TBL1XR1: variants seen among roughly 807,000 people sequenced by gnomAD.
TBL1XR1 encodes F-box-like/WD repeat-containing protein TBL1XR1.
TBL1XR1 carries 5 observed loss-of-function variants against 66.9 expected under a neutral mutation model. The observed-to-expected ratio is 0.07, with a 90% CI of 0.04 to 0.16. The LOEUF is 0.16. Among genes scored for constraint, TBL1XR1 ranks in the 10% least tolerant of loss-of-function variants. The probability of loss-of-function intolerance (pLI) is 1.00; values close to 1 mark genes in which losing one functional copy is unlikely to be tolerated. For missense variants in TBL1XR1, 238 were observed against 623.2 expected (o/e 0.38, Z 6.58); for synonymous variants, 210 against 206.0 (o/e 1.02, Z -0.17).
chr3:177,098,998 T>C (rs1390117202), intron 1 of TBL1XR1, among the ~76,000 whole-genome samples: 2 of 152,248 alleles, frequency 1.3e-5, no homozygotes, highest in Non-Finnish European at 1.5e-5. Flanking sequence ...TTAAACTTTA[T>C]AGGGCTTATC....
intron 1 of TBL1XR1, among the ~76,000 whole-genome samples, chr3:177,113,393 C>T (rs144482880): frequency 6.6e-6 from 1 of 152,202 alleles, no homozygotes; most frequent in Admixed American, 6.5e-5. Flanking sequence ...AAAACCAAAA[C>T]CTTCTGCACA....
At chr3:177,068,380 A>C (rs1272032657) in intron 2 of TBL1XR1, among the ~76,000 whole-genome samples, 2 of 152,246 alleles carry the variant, frequency 1.3e-5, no homozygotes, top group Non-Finnish European at 2.9e-5. Context: ...AGCCAAAAGC[A>C]AATCCAAAAT....
intron 1 of TBL1XR1, chr3:177,196,500 C>A (rs987739785): frequency 6.7e-6 from 1 of 148,260 alleles, no homozygotes; most frequent in South Asian, 2.1e-4. Context: ...GGCCGGCGCC[C>A]CCGCCCCGGA....
chr3:177,178,210 T>C (rs1734384115), intron 1 of TBL1XR1, among the ~76,000 whole-genome samples: 2 of 152,124 alleles, frequency 1.3e-5, no homozygotes, highest in African/African-American at 4.8e-5. Flanking sequence ...CAGCAGAGTT[T>C]GGGGAGGAGG....
At chr3:177,049,923 C>T (rs1577024324) in intron 7 of TBL1XR1, 74 bp downstream of exon 7, 2 of 1,522,014 alleles carry the variant, frequency 1.3e-6, no homozygotes, top group Admixed American at 3.8e-5. Context: ...ATAGACAAAC[C>T]CTGCCGTGAG....
intron 1 of TBL1XR1, chr3:177,163,888 TCAATAGTTTAGATTTATGTTATTA>T (rs1732513557): frequency 6.6e-6 from 1 of 152,166 alleles, no homozygotes; most frequent in African/African-American, 2.4e-5. Context: ...GCAAAATGTA[TCAATAGTTTAGATTTATGTTATTA>T]CAATTAAACA....
rs1478235557 is a variant in TBL1XR1 at position 177,189,622 on chromosome 3, T to G, written c.-122+7499A>C. Among the ~76,000 whole-genome samples, 7 of 135,424 alleles carry G rather than the reference T, an allele frequency of 5.2e-5. No individual in the cohort carries two copies. In the East Asian group the frequency reaches 1.4e-3, roughly 28 times the overall value. 88.8% of individuals were successfully genotyped at this position (135,424 alleles called of 152,430 possible). The stretch of plus-strand genomic sequence containing the variant: ...GTGAGCGGAGATCACATCCAGCCAG[T>G]CTGGGAGACAGAGCAAGACTCCATC... On this transcript the variant is annotated intron_variant, in intron 1 of 15. Transcript: ENST00000457928.
intron 3 of TBL1XR1, among the ~76,000 whole-genome samples, chr3:177,059,974 G>C (rs749205373): frequency 6.6e-5 from 10 of 152,166 alleles, no homozygotes; most frequent in Non-Finnish European, 1.3e-4. Flanking sequence ...CAGATTCCAA[G>C]TTCTTCAGCT....
intron 15 of TBL1XR1, 107 bp from the exon 16 acceptor site, chr3:177,025,631 T>C: frequency 9.6e-7 from 1 of 1,037,638 alleles, no homozygotes. Flanking sequence ...TCCAAGTTTA[T>C]AAAATTGGTA....
At chr3:177,177,612 C>A (rs1054144911) in intron 1 of TBL1XR1, among the ~76,000 whole-genome samples, 64 of 152,172 alleles carry the variant, frequency 4.2e-4, no homozygotes, top group African/African-American at 1.4e-3. Flanking sequence ...TGTCCCTGGG[C>A]TTCCAAATTT....
chr3:177,132,718 G>A (rs1392970414), intron 1 of TBL1XR1, among the ~76,000 whole-genome samples: 3 of 152,164 alleles, frequency 2.0e-5, no homozygotes, highest in African/African-American at 7.2e-5. Context: ...GACAACCAGG[G>A]ATAGGCTCTA....
At chr3:177,097,959 C>T (rs1019654058) in intron 2 of TBL1XR1, among the ~76,000 whole-genome samples, 9 of 152,202 alleles carry the variant, frequency 5.9e-5, no homozygotes, top group African/African-American at 2.2e-4. Flanking sequence ...GTAATCCCAG[C>T]ACTTTGGGAA....
intron 1 of TBL1XR1, among the ~76,000 whole-genome samples, chr3:177,168,773 C>G (rs1251995543): frequency 6.6e-6 from 1 of 152,090 alleles, no homozygotes; most frequent in Non-Finnish European, 1.5e-5. Flanking sequence ...AAAATTCAAT[C>G]ATTTCTGAAT....
chr3:177,042,682 TGA>T (rs1200129315), intron 10 of TBL1XR1, among the ~76,000 whole-genome samples: 1 of 152,106 alleles, frequency 6.6e-6, no homozygotes, highest in African/African-American at 2.4e-5. Context: ...ACCTGACAAG[TGA>T]GAGAAGTGTG....
intron 2 of TBL1XR1, among the ~76,000 whole-genome samples, chr3:177,080,805 C>G (rs1190139554): frequency 6.6e-6 from 1 of 152,184 alleles, no homozygotes; most frequent in Non-Finnish European, 1.5e-5. Context: ...TCTAGCAAAT[C>G]CTCCAGGGTC....
At chr3:177,055,533 G>C (rs1042505712) in intron 3 of TBL1XR1, among the ~76,000 whole-genome samples, 3 of 113,222 alleles carry the variant, frequency 2.6e-5, no homozygotes, top group African/African-American at 1.0e-4. Flanking sequence ...GGCTCACAGA[G>C]ATACCAATCG....
intron 1 of TBL1XR1, among the ~76,000 whole-genome samples, chr3:177,099,815 A>G (rs780168175): frequency 1.3e-5 from 2 of 152,254 alleles, no homozygotes; most frequent in Non-Finnish European, 2.9e-5. Flanking sequence ...TCACTTTTTG[A>G]GCTAAAGTTA....
Position 177,060,755 on chromosome 3 carries a change from T to C in TBL1XR1, c.58+4165A>G, listed in dbSNP as rs146755961. Among the ~76,000 whole-genome samples, 109 of 152,344 alleles carry C rather than the reference T, an allele frequency of 7.2e-4. 2 individuals carry two copies. The East Asian group carries it at 0.017, about 24-fold the overall frequency. On this transcript the variant is annotated intron_variant, in intron 3 of 15. Coordinates refer to ENST00000457928, the MANE Select transcript of TBL1XR1 (RefSeq NM_024665.7). ...TAGTGCCTCTAAAATTAACACTGTA[T>C]CAGGTTCTACTATATGCAACTTGGC...
At chr3:177,060,787 C>A (rs995626218) in intron 3 of TBL1XR1, among the ~76,000 whole-genome samples, 4 of 152,182 alleles carry the variant, frequency 2.6e-5, no homozygotes, top group Admixed American at 2.6e-4. Flanking sequence ...TGGCATGTAC[C>A]ACTAAGTATT....
Sources: gnomAD v4.1 joint callset for allele counts (sites outside exome capture counted in the v4.1 genomes callset) on GRCh38, gnomAD v4.1.1 for gene constraint, MANE v1.5 for transcripts, NCBI Gene and HGNC (gene_info 2026-07-23, HGNC 2026-07-21) for gene names.